The following AGBL1 variants were observed in gnomAD, a reference collection of about 807,000 sequenced individuals.
AGBL1 encodes AGBL carboxypeptidase 1.
A neutral mutation model predicts 118.9 loss-of-function variants in AGBL1; 130 were observed. That is an observed-to-expected ratio of 1.09 (90% CI 0.95 to 1.26). The LOEUF (loss-of-function observed/expected upper bound fraction) is 1.26, where lower values mean the gene tolerates loss of function less well. Among genes scored for constraint, AGBL1 ranks in the 50% most tolerant of loss-of-function variants. AGBL1 has a pLI of 0.00. For missense variants in AGBL1, 1,584 were observed against 1,298.1 expected, an observed-to-expected ratio of 1.22 and a Z score of -3.38; for synonymous variants, 555 against 478.9, an observed-to-expected ratio of 1.16 and a Z score of -2.08.
At chr15:86,539,734 T>C (rs1013177145) in intron 19 of AGBL1, among the ~76,000 whole-genome samples, 5 of 152,216 alleles carry the variant, frequency 3.3e-5, no homozygotes, top group African/African-American at 1.2e-4. Flanking sequence ...GTTCATCTTA[T>C]GTATAACCTC....
In AGBL1 at chr15:86,831,081, A is replaced by G. The variant is rs114350014; in HGVS notation, c.3159-76006A>G. The stretch of plus-strand genomic sequence containing the variant: ...AGAGCATGTGCAGGAGACCTCTTCT[A>G]TGTAACACCATCAGATCTCCTGAGA... On this transcript the variant is annotated intron_variant, in intron 22 of 22. Transcript: ENST00000614907. Among the ~76,000 whole-genome samples, 395 of 152,210 alleles carry G rather than the reference A, an allele frequency of 2.6e-3. 2 individuals carry two copies. The highest frequency in any genetic ancestry group is 9.0e-3 in the African/African-American group (375 of 41,534).
chr15:86,698,040 A>T (rs1193252903), intron 22 of AGBL1, among the ~76,000 whole-genome samples: 1 of 152,016 alleles, frequency 6.6e-6, no homozygotes, highest in Non-Finnish European at 1.5e-5. Context: ...AAAGTTCACA[A>T]TGTGAGTCTC....
chr15:86,562,972 G>A (rs1460531258), intron 21 of AGBL1, among the ~76,000 whole-genome samples: 9 of 152,152 alleles, frequency 5.9e-5, no homozygotes, highest in Non-Finnish European at 1.3e-4. Context: ...TTGTATTTCT[G>A]TGGGATCGGT....
rs1159353918 is a variant in AGBL1 at position 86,881,579 on chromosome 15, A to G, written c.3159-25508A>G. ...CTGTATTACTCTGTCTTGTACTGGT[A>G]TAAAGAAATACCTTTACATGGCCAG... On this transcript the variant is annotated intron_variant, in intron 22 of 22. Coordinates refer to ENST00000614907, the MANE Select transcript of AGBL1 (RefSeq NM_001386094.1). Among the ~76,000 whole-genome samples, 4 of 152,308 alleles carry G rather than the reference A, an allele frequency of 2.6e-5. No homozygotes were observed. In the East Asian group the frequency reaches 5.8e-4, roughly 22 times the overall value.
chr15:87,003,455 C>G (rs952976265), intron 24 of AGBL1, among the ~76,000 whole-genome samples: 22 of 152,020 alleles, frequency 1.4e-4, no homozygotes, highest in Non-Finnish European at 2.6e-4. Flanking sequence ...TGTTGTGTCT[C>G]TGCCAGGCTT....
At chr15:86,410,807 GATAT>G (rs36127489) in intron 18 of AGBL1, among the ~76,000 whole-genome samples, 1,685 of 40,284 alleles carry the variant, frequency 0.042, 76 homozygotes, top group South Asian at 0.14. Context: ...GTCAAATGTA[GATAT>G]ATATATATAT....
At chr15:87,000,001 G>A (rs1449330199) in intron 24 of AGBL1, among the ~76,000 whole-genome samples, 1 of 95,132 alleles carries the variant, frequency 1.1e-5, no homozygotes, top group African/African-American at 3.6e-5. Context: ...TTTTTCATGT[G>A]TTTTTTGGCT....
chr15:86,487,704 A>T (rs867040187), intron 18 of AGBL1, among the ~76,000 whole-genome samples: 6 of 152,198 alleles, frequency 3.9e-5, no homozygotes, highest in Middle Eastern at 3.4e-3. Context: ...TAAGGAATCA[A>T]CTGCATGATT....
chr15:86,667,764 G>A (rs1318390784), intron 21 of AGBL1, among the ~76,000 whole-genome samples: 1 of 152,076 alleles, frequency 6.6e-6, no homozygotes, highest in Non-Finnish European at 1.5e-5. Flanking sequence ...CCAAATGGAA[G>A]CATATCACTT....
At chr15:86,526,281 C>G (rs913665061) in intron 19 of AGBL1, among the ~76,000 whole-genome samples, 2 of 152,122 alleles carry the variant, frequency 1.3e-5, no homozygotes. Flanking sequence ...TATGTTAGTA[C>G]AACCTCTATG....
chr15:86,120,785 T>A (rs1898048546), intron 1 of AGBL1, among the ~76,000 whole-genome samples: 1 of 152,220 alleles, frequency 6.6e-6, no homozygotes, highest in Non-Finnish European at 1.5e-5. Context: ...CCCTTTGGCA[T>A]AATAAATGTG....
In AGBL1 at chr15:86,080,012, C is replaced by A; in HGVS notation, c.40C>A (p.His14Asn). The A allele has an allele frequency of 8.1e-7, 1 of 1,232,256 alleles. No homozygotes were observed. The highest frequency in any genetic ancestry group is 1.0e-6 in the Non-Finnish European group (1 of 988,052). The allele number at this position is 1,232,256 out of a possible 1,614,324, so 76.3% of individuals were successfully genotyped here. A position where few individuals can be genotyped will look rare whatever the true frequency, so the allele number is the denominator to read the frequency against. The change falls in exon 1 of 23, where the codon CAC becomes AAC. Residue 14 changes from histidine to asparagine, a missense_variant. By Grantham distance (68) the His-to-Asn change is moderately conservative. Coordinates refer to ENST00000614907, the MANE Select transcript of AGBL1 (RefSeq NM_001386094.1). ...QEASGLQVLL[H>N]TLQSSSDKES... is the part of the protein sequence containing the mutation. The stretch of plus-strand genomic sequence containing the variant: ...AGCTAGTGGGCTACAGGTCCTGCTG[C>A]ACACGCTTCAGGTAGGAAAGGGTAG...
At chr15:86,576,193 A>T (rs572402558) in intron 21 of AGBL1, among the ~76,000 whole-genome samples, 1 of 152,310 alleles carries the variant, frequency 6.6e-6, no homozygotes, top group African/African-American at 2.4e-5. Flanking sequence ...TCAGAAAGAA[A>T]AGGGGGCTAA....
intron 5 of AGBL1, among the ~76,000 whole-genome samples, chr15:86,216,757 A>T (rs1021420999): frequency 4.6e-5 from 7 of 152,208 alleles, no homozygotes; most frequent in African/African-American, 1.7e-4. Context: ...TTCTTAAAAC[A>T]TGCTAAATCA....
chr15:86,151,686 C>T (rs1358887114), intron 3 of AGBL1, among the ~76,000 whole-genome samples: 1 of 152,088 alleles, frequency 6.6e-6, no homozygotes, highest in Non-Finnish European at 1.5e-5. Context: ...GACAATCAGG[C>T]AAGAGAAAGA....
chr15:86,718,928 T>C (rs181332503), intron 22 of AGBL1, among the ~76,000 whole-genome samples: 73 of 152,306 alleles, frequency 4.8e-4, no homozygotes, highest in African/African-American at 1.7e-3. Flanking sequence ...TAAATTTGAT[T>C]GGAATCCCTG....
chr15:86,461,640 T>A (rs1220361770), intron 18 of AGBL1, among the ~76,000 whole-genome samples: 1 of 152,224 alleles, frequency 6.6e-6, no homozygotes, highest in Non-Finnish European at 1.5e-5. Context: ...AACTATTATT[T>A]ACATTCCATA....
At chr15:86,691,706 T>C (rs963605598) in intron 22 of AGBL1, among the ~76,000 whole-genome samples, 1 of 152,180 alleles carries the variant, frequency 6.6e-6, no homozygotes, top group Non-Finnish European at 1.5e-5. Context: ...AGTTTTACTA[T>C]ATTAAACCGA....
intron 22 of AGBL1, among the ~76,000 whole-genome samples, chr15:86,895,524 T>C (rs151290373): frequency 1.1e-3 from 169 of 152,172 alleles, no homozygotes; most frequent in Middle Eastern, 6.8e-3. Flanking sequence ...TATTTACTCA[T>C]GCAAAAGAAA....
Sources: allele counts gnomAD v4.1 joint callset (sites outside exome capture counted in the v4.1 genomes callset), GRCh38; gene constraint gnomAD v4.1.1; transcripts MANE v1.5; gene names NCBI Gene and HGNC (gene_info 2026-07-23, HGNC 2026-07-21).